Variants in ADAMTS9 observed in about 807,000 individuals in gnomAD.
The protein encoded by ADAMTS9 is ADAM metallopeptidase with thrombospondin type 1 motif 9, also known as A disintegrin and metalloproteinase with thrombospondin motifs 9.
ADAMTS9 carries 107 observed loss-of-function variants against 257.1 expected under a neutral mutation model. That is an observed-to-expected ratio of 0.42 (90% CI 0.36 to 0.49). The LOEUF (loss-of-function observed/expected upper bound fraction) is 0.49. Among genes scored for constraint, ADAMTS9 ranks in the 20% least tolerant of loss-of-function variants. The probability of loss-of-function intolerance (pLI) is 0.03; values close to 1 mark genes in which losing one functional copy is unlikely to be tolerated. For synonymous variants in ADAMTS9, 982 were observed against 880.9 expected, an observed-to-expected ratio of 1.11 and a Z score of -2.03; for missense variants, 2,353 against 2,469.1, an observed-to-expected ratio of 0.95 and a Z score of 1.00.
intron 28 of ADAMTS9, chr3:64,588,333 C>T (rs2084198320): frequency 6.6e-6 from 1 of 152,104 alleles, no homozygotes; most frequent in African/African-American, 2.4e-5. Flanking sequence ...GAACAAAGAG[C>T]TCTAACTTGT....
In ADAMTS9 at chr3:64,631,912, T is replaced by C; in HGVS notation, c.2189A>G (p.Asp730Gly). 1 of 1,613,468 alleles carries C rather than the reference T, an allele frequency of 6.2e-7. No individual in the cohort carries two copies. The highest frequency in any genetic ancestry group is 8.5e-7 in the Non-Finnish European group (1 of 1,179,572). Residue 730 changes from aspartate to glycine, a missense_variant, in exon 15 of 40, where the codon GAT becomes GGT. Around this residue, in one of 3 missense-constraint regions of ADAMTS9, gnomAD observed 360 missense variants for 458.1 expected, o/e 0.79. Transcript: ENST00000498707. ...CCGGGCTTTTGAGTTTAAAACATGA[T>C]CGCATCCAGCTTGCTTTTAAAAAGA... ...VQGLCRQAGC[D>G]HVLNSKARRD...
rs902765757 is a variant in ADAMTS9 at position 64,607,189 on chromosome 3, G to A, written c.3355-110C>T. ...AATACTTCCATCACAGTAGGCCAGA[G>A]GGCTGGCGCTCAAATAAACTAGGTC... is the stretch of plus-strand genomic sequence containing the variant. On this transcript the variant is annotated intron_variant, in intron 22 of 39. Coordinates refer to ENST00000498707, the MANE Select transcript of ADAMTS9 (RefSeq NM_182920.2). The A allele has an allele frequency of 3.5e-6, 5 of 1,438,542 alleles. No homozygotes were observed. The African/African-American group carries it at 7.1e-5, about 20-fold the overall frequency. The allele number at this position is 1,438,542 out of a possible 1,614,324, so 89.1% of individuals were successfully genotyped here.
At chr3:64,668,421 C>A (rs939761475) in intron 3 of ADAMTS9, among the ~76,000 whole-genome samples, 2 of 152,102 alleles carry the variant, frequency 1.3e-5, no homozygotes, top group Non-Finnish European at 2.9e-5. Context: ...CCAGAGACAG[C>A]GTATTACGGG....
intron 28 of ADAMTS9, among the ~76,000 whole-genome samples, chr3:64,592,995 T>A (rs1425741386): frequency 6.6e-6 from 1 of 152,198 alleles, no homozygotes; most frequent in East Asian, 1.9e-4. Flanking sequence ...ATTTCTGATC[T>A]TCAAAAATGT....
chr3:64,650,974 C>T (rs760908158), intron 9 of ADAMTS9, 43 bp downstream of exon 9: 1 of 1,559,842 alleles, frequency 6.4e-7, no homozygotes, highest in Non-Finnish European at 8.7e-7. Flanking sequence ...TACATGTAGG[C>T]CAGGCACTAG....
At chr3:64,575,797 A>C (rs1037567236) in intron 28 of ADAMTS9, among the ~76,000 whole-genome samples, 1 of 152,230 alleles carries the variant, frequency 6.6e-6, no homozygotes, top group Admixed American at 6.5e-5. Flanking sequence ...GAGACAATGC[A>C]TGCAAAGCTC....
chr3:64,517,358 G>T (rs1394465350), intron 39 of ADAMTS9, among the ~76,000 whole-genome samples: 1 of 145,974 alleles, frequency 6.9e-6, no homozygotes, highest in Admixed American at 7.1e-5. Flanking sequence ...TCCCATCTCA[G>T]CCTCCCAAGT....
intron 28 of ADAMTS9, among the ~76,000 whole-genome samples, chr3:64,580,009 G>C (rs1267316498): frequency 1.3e-5 from 2 of 152,128 alleles, no homozygotes; most frequent in Non-Finnish European, 2.9e-5. Context: ...TGCATTCTTA[G>C]CCACTGATCC....
chr3:64,648,111 A>T (rs1473180992), intron 10 of ADAMTS9, 67 bp from the exon 11 acceptor site: 2 of 1,426,196 alleles, frequency 1.4e-6, no homozygotes. Context: ...AACAAAGCAA[A>T]GCTTGCTTTC....
chr3:64,563,604 C>A lies in ADAMTS9; in HGVS notation c.4525-1853G>T, dbSNP rs145202010. ...AATTACTTATGGTTCAACGAAGGCA[C>A]GGTACTAAGAGCCATAAGTATCCAA... On this transcript the variant is annotated intron_variant, in intron 29 of 39. Coordinates refer to ENST00000498707, the MANE Select transcript of ADAMTS9 (RefSeq NM_182920.2). 3.3e-3 allele frequency among the ~76,000 whole-genome samples: 505 copies of A among 152,262 alleles called. 10 individuals carry two copies. The East Asian group carries it at 0.043, about 13-fold the overall frequency.
intron 38 of ADAMTS9, among the ~76,000 whole-genome samples, chr3:64,527,657 G>GT (rs954797608): frequency 9.3e-5 from 14 of 150,958 alleles, no homozygotes; most frequent in East Asian, 1.9e-4. Flanking sequence ...AGCATATAGG[G>GT]TTTTTTTTTC....
At chr3:64,647,919 A>T in intron 11 of ADAMTS9, 21 bp downstream of exon 11, 3 of 1,606,042 alleles carry the variant, frequency 1.9e-6, no homozygotes, top group East Asian at 2.2e-5. Context: ...AGACAGAAGG[A>T]CAGAACAGGG....
intron 32 of ADAMTS9, 64 bp downstream of exon 32, chr3:64,546,694 A>T: frequency 1.3e-6 from 2 of 1,489,526 alleles, no homozygotes; most frequent in South Asian, 2.7e-5. Flanking sequence ...GTTAGGCAGG[A>T]CATGTTTAAG....
chr3:64,593,960 GATGTGTGTGTGTGT>G (rs1192706739), intron 28 of ADAMTS9, among the ~76,000 whole-genome samples: 2 of 69,322 alleles, frequency 2.9e-5, no homozygotes, highest in African/African-American at 1.0e-4. Flanking sequence ...GTGTGTGTAT[GATGTGTGTGTGTGT>G]GTGTGTGTGT....
Position 64,687,067 on chromosome 3 carries a change from G to C in ADAMTS9, c.116-99C>G. ...GACTTTGTTCTGACCTTATTTTCCA[G>C]CCCATTCGAGTCAATCCCTTCACCC... On this transcript the variant is annotated intron_variant, in intron 1 of 39. Coordinates refer to ENST00000498707, the MANE Select transcript of ADAMTS9 (RefSeq NM_182920.2). The surrounding 1 kb of genome is among the most constrained non-coding windows in gnomAD (Gnocchi z 4.4). 7.2e-7 allele frequency: 1 copy of C among 1,396,422 alleles called. No homozygotes were observed. The highest frequency in any genetic ancestry group is 9.7e-7 in the Non-Finnish European group (1 of 1,029,284). The allele number at this position is 1,396,422 out of a possible 1,614,324, so 86.5% of individuals were successfully genotyped here. A position where few individuals can be genotyped will look rare whatever the true frequency, so the allele number is the denominator to read the frequency against.
intron 10 of ADAMTS9, among the ~76,000 whole-genome samples, chr3:64,648,456 C>T (rs533419968): frequency 2.0e-5 from 3 of 152,220 alleles, no homozygotes; most frequent in Non-Finnish European, 4.4e-5. Flanking sequence ...CTGCACCATA[C>T]TGACATATCC....
Position 64,617,112 on chromosome 3 carries a change from T to C in ADAMTS9, c.2814-942A>G, listed in dbSNP as rs577343154. On this transcript the variant is annotated intron_variant, in intron 19 of 39. Transcript: ENST00000498707. ...TTGTTCTAACCCGGAACATGTTCAATGAGAAATTGTAAAACAATGCTTTAT... is the reference window on the plus strand; with the variant it reads ...TTGTTCTAACCCGGAACATGTTCAACGAGAAATTGTAAAACAATGCTTTAT... Among the ~76,000 whole-genome samples, 8 of 152,296 alleles carry C rather than the reference T, an allele frequency of 5.3e-5. No individual in the cohort carries two copies. The East Asian group carries it at 1.5e-3, about 29-fold the overall frequency.
rs1197257949 is a variant in ADAMTS9 at position 64,604,033 on chromosome 3, C to G, written c.3636G>C (p.Glu1212Asp). Reference protein sequence around the residue: ...TRMRYVSCRDENGSVADESAC... With the variant: ...TRMRYVSCRDDNGSVADESAC... ...CACTCTCGTCAGCCACAGAGCCATT[C>G]TCATCTCGGCAGCTGACGTATCTCA... Residue 1212 changes from glutamate (E) to aspartate (D), a missense_variant, in exon 25 of 40, where the codon GAG becomes GAC. This residue lies in a region of ADAMTS9 where 1,402 missense variants were observed against 1,441.4 expected (regional missense o/e 0.97). Coordinates refer to ENST00000498707, the MANE Select transcript of ADAMTS9 (RefSeq NM_182920.2). The G allele has an allele frequency of 6.2e-7, 1 of 1,614,018 alleles. No individual in the cohort carries two copies.
At chr3:64,612,665 C>G (rs1025645929) in intron 22 of ADAMTS9, among the ~76,000 whole-genome samples, 1 of 152,172 alleles carries the variant, frequency 6.6e-6, no homozygotes, top group Non-Finnish European at 1.5e-5. Flanking sequence ...CTAATGGGAA[C>G]TCAGAGTGCT....
Sources: gnomAD v4.1 joint callset for allele counts (sites outside exome capture counted in the v4.1 genomes callset) on GRCh38, gnomAD v4.1.1 for gene constraint, gnomAD v4.1.1 regional missense constraint, Gnocchi (gnomAD v3.1) non-coding constraint, MANE v1.5 for transcripts, NCBI Gene and HGNC (gene_info 2026-07-23, HGNC 2026-07-21) for gene names.